NAPEPLD: variants seen among roughly 807,000 people sequenced by gnomAD.
NAPEPLD encodes N-acyl phosphatidylethanolamine phospholipase D.
NAPEPLD carries 23 observed loss-of-function variants against 38.1 expected under a neutral mutation model. The observed-to-expected ratio is 0.60, with a 90% CI of 0.43 to 0.86. The LOEUF (loss-of-function observed/expected upper bound fraction) is 0.86, where lower values mean the gene tolerates loss of function less well. Among genes scored for constraint, NAPEPLD ranks in the 40% least tolerant of loss-of-function variants. The pLI, the probability that NAPEPLD is intolerant of heterozygous loss-of-function variation, is 0.00. For synonymous variants in NAPEPLD, 147 were observed against 162.0 expected, an observed-to-expected ratio of 0.91 and a Z score of 0.71; for missense variants, 411 against 476.8, an observed-to-expected ratio of 0.86 and a Z score of 1.28.
chr7:103,142,001 A>C, intron 1 of NAPEPLD: 1 of 649,350 alleles, frequency 1.5e-6, no homozygotes, highest in Non-Finnish European at 2.7e-6. Context: ...ACTACACCAG[A>C]GGCTACTGAA....
intron 3 of NAPEPLD, among the ~76,000 whole-genome samples, chr7:103,118,865 T>C (rs749186741): frequency 3.9e-5 from 6 of 152,180 alleles, no homozygotes; most frequent in African/African-American, 7.2e-5. Flanking sequence ...AATAGGTCAA[T>C]AGTATGTCAA....
intron 1 of NAPEPLD, among the ~76,000 whole-genome samples, chr7:103,144,504 T>C (rs1812151858): frequency 6.6e-6 from 1 of 152,190 alleles, no homozygotes; most frequent in African/African-American, 2.4e-5. Flanking sequence ...GGTTCTGTAT[T>C]TTAGTCACAT....
intron 2 of NAPEPLD, among the ~76,000 whole-genome samples, chr7:103,123,413 A>C (rs1310546761): frequency 2.6e-5 from 4 of 152,214 alleles, no homozygotes; most frequent in Non-Finnish European, 5.9e-5. Context: ...GAACAATGAC[A>C]TATGCCAAGA....
chr7:103,123,807 G>A (rs10264869), intron 2 of NAPEPLD, among the ~76,000 whole-genome samples: 135,920 of 152,186 alleles, frequency 0.89, 62,672 homozygotes, highest in East Asian at 1. Context: ...ACATGTTTTC[G>A]TAAAAAGTAA....
At chr7:103,141,920 T>C (rs1811479970) in intron 1 of NAPEPLD, 2 of 1,002,358 alleles carry the variant, frequency 2.0e-6, no homozygotes, top group Non-Finnish European at 3.2e-6. Flanking sequence ...AAGCCTCTTC[T>C]GAAGCCTGAG....
At chr7:103,112,982 G>C (rs912717669) in intron 4 of NAPEPLD, among the ~76,000 whole-genome samples, 5 of 152,102 alleles carry the variant, frequency 3.3e-5, no homozygotes, top group African/African-American at 1.2e-4. Context: ...AATTCTCAAA[G>C]ACAGGATTTT....
At chr7:103,117,569 G>A (rs1034896900) in intron 3 of NAPEPLD, among the ~76,000 whole-genome samples, 3 of 152,138 alleles carry the variant, frequency 2.0e-5, no homozygotes, top group Non-Finnish European at 4.4e-5. Flanking sequence ...GTTGTTTTCG[G>A]TCTAAACATC....
chr7:103,141,759 C>T (rs1585901168), intron 1 of NAPEPLD: 5 of 853,852 alleles, frequency 5.9e-6, no homozygotes, highest in East Asian at 2.4e-5. Context: ...CGGCATCAAG[C>T]GGGGGAATGG....
intron 2 of NAPEPLD, among the ~76,000 whole-genome samples, chr7:103,121,862 C>T (rs1363658573): frequency 2.6e-5 from 4 of 151,990 alleles, no homozygotes; most frequent in Non-Finnish European, 5.9e-5. Context: ...GAATGAAGAG[C>T]CCAGTTGCCA....
intron 4 of NAPEPLD, among the ~76,000 whole-genome samples, chr7:103,113,616 CAG>C (rs1804972078): frequency 1.5e-5 from 2 of 133,944 alleles, no homozygotes; most frequent in African/African-American, 2.7e-5. Context: ...TTTTTTAAGA[CAG>C]AGTCTCACTT....
intron 4 of NAPEPLD, among the ~76,000 whole-genome samples, chr7:103,112,424 T>C (rs1804715865): frequency 6.6e-6 from 1 of 152,080 alleles, no homozygotes; most frequent in African/African-American, 2.4e-5. Context: ...TATGCAGCCA[T>C]AGAAAAGGAT....
At chr7:103,137,505 G>C (rs1810310077) in intron 1 of NAPEPLD, among the ~76,000 whole-genome samples, 1 of 152,112 alleles carries the variant, frequency 6.6e-6, no homozygotes, top group Non-Finnish European at 1.5e-5. Context: ...AAAATATCAT[G>C]TTACGGTAAA....
At chr7:103,108,058 C>T (rs1803743844) in intron 4 of NAPEPLD, among the ~76,000 whole-genome samples, 1 of 151,980 alleles carries the variant, frequency 6.6e-6, no homozygotes, top group Non-Finnish European at 1.5e-5. Flanking sequence ...TAAAGGGAAG[C>T]CCATCAGACT....
At position 103,103,201 on chromosome 7, in the gene NAPEPLD, C is replaced by A; in HGVS notation, c.*228G>T. 3.1e-6 allele frequency: 1 copy of A among 326,028 alleles called. No individual in the cohort carries two copies. Among genetic ancestry groups the A allele is most frequent in the South Asian group, 1.1e-4 (1 of 8,868 alleles). 20.2% of individuals were successfully genotyped at this position (326,028 alleles called of 1,614,324 possible). A position where few individuals can be genotyped will look rare whatever the true frequency, so the allele number is the denominator to read the frequency against. ...ATATCATGATATGAAATTTAAAATC[C>A]ACATTAGCCAATTCATTATTTAAAT... On this transcript the variant is annotated 3_prime_UTR_variant, in exon 5 of 5. Transcript: ENST00000465647.
At chr7:103,145,078 C>A (rs974176985) in intron 1 of NAPEPLD, among the ~76,000 whole-genome samples, 1 of 152,064 alleles carries the variant, frequency 6.6e-6, no homozygotes, top group Non-Finnish European at 1.5e-5. Context: ...GTTGATCATT[C>A]TATGTCTCAG....
chr7:103,128,879 T>C, intron 1 of NAPEPLD, 87 bp from the exon 2 acceptor site: 2 of 1,375,990 alleles, frequency 1.5e-6, no homozygotes, highest in South Asian at 1.5e-5. Context: ...CCAATAAAAA[T>C]TTCTCTAAAC....
At chr7:103,126,305 G>A (rs1807786350) in intron 2 of NAPEPLD, among the ~76,000 whole-genome samples, 2 of 152,144 alleles carry the variant, frequency 1.3e-5, no homozygotes, top group African/African-American at 4.8e-5. Flanking sequence ...TTGTCAAGCC[G>A]ATTCTCTATA....
chr7:103,119,533 A>T (rs936345443), intron 3 of NAPEPLD, 44 bp downstream of exon 3: 2 of 1,546,038 alleles, frequency 1.3e-6, no homozygotes, highest in South Asian at 1.2e-5. Flanking sequence ...AAATTCAGTT[A>T]ATTTATCACA....
intron 1 of NAPEPLD, chr7:103,142,084 G>A: frequency 1.7e-6 from 1 of 579,882 alleles, no homozygotes; most frequent in African/African-American, 1.9e-5. Context: ...TATACAGGCA[G>A]GGTTGAGAAC....
Sources: allele counts gnomAD v4.1 joint callset (sites outside exome capture counted in the v4.1 genomes callset), GRCh38; gene constraint gnomAD v4.1.1; transcripts MANE v1.5; gene names NCBI Gene and HGNC (gene_info 2026-07-23, HGNC 2026-07-21).